Variants in TMEM255B observed in about 807,000 individuals in gnomAD.
TMEM255B encodes transmembrane protein 255B.
Under a neutral mutation model 34.5 loss-of-function variants are expected in TMEM255B, and 35 were observed. That is an observed-to-expected ratio of 1.01 (90% CI 0.77 to 1.34). TMEM255B has a LOEUF of 1.34. TMEM255B is among the 40% of genes most tolerant of loss of function. The pLI, the probability that TMEM255B is intolerant of heterozygous loss-of-function variation, is 0.00. For missense variants in TMEM255B, 432 were observed against 433.2 expected (o/e 1.00, Z 0.02); for synonymous variants, 206 against 201.2 (o/e 1.02, Z -0.20).
chr13:113,812,129 A>G lies in TMEM255B; in HGVS notation c.*226A>G. ...TGACACCTTGGCTTGGGCTCTGCTC[A>G]CATCAAATGGCGCTGAAAGTTCCCA... On this transcript the variant is annotated 3_prime_UTR_variant, in exon 9 of 9. Transcript: ENST00000375353. The G allele has an allele frequency of 1.7e-6, 1 of 575,380 alleles. No individual in the cohort carries two copies. The allele number at this position is 575,380 out of a possible 1,614,324, so 35.6% of individuals were successfully genotyped here.
At chr13:113,766,034 G>A in intron 1 of TMEM255B, 81 bp from the exon 2 acceptor site, 1 of 1,577,302 alleles carries the variant, frequency 6.3e-7, no homozygotes, top group East Asian at 2.2e-5. Flanking sequence ...CTGGGTAACG[G>A]AGCACGGCCC....
At chr13:113,800,009 G>A in intron 5 of TMEM255B, 1 of 1,242,496 alleles carries the variant, frequency 8.0e-7, no homozygotes, top group South Asian at 1.4e-5. Flanking sequence ...GGCCCTCTCA[G>A]TGGCCAGCAC....
intron 8 of TMEM255B, among the ~76,000 whole-genome samples, chr13:113,805,945 C>T (rs1292353783): frequency 1.3e-5 from 2 of 152,178 alleles, no homozygotes; most frequent in African/African-American, 2.4e-5. Flanking sequence ...AGGCCCAGCC[C>T]GATGAAGCTG....
chr13:113,812,164 C>T lies in TMEM255B; in HGVS notation c.*261C>T. On this transcript the variant is annotated 3_prime_UTR_variant, in exon 9 of 9. Coordinates refer to ENST00000375353, the MANE Select transcript of TMEM255B (RefSeq NM_182614.4). ...GCGCTGAAAGTTCCCACCCGGCCTC[C>T]TCCTCTGAGAGCAATTGTTCTGGTG... The T allele has an allele frequency of 1.9e-6, 1 of 523,380 alleles. No homozygotes were observed. The allele number at this position is 523,380 out of a possible 1,614,324, so 32.4% of individuals were successfully genotyped here.
intron 1 of TMEM255B, among the ~76,000 whole-genome samples, chr13:113,765,095 C>T (rs1213997849): frequency 6.6e-6 from 1 of 152,124 alleles, no homozygotes; most frequent in Non-Finnish European, 1.5e-5. Flanking sequence ...GGATGAGATT[C>T]TTGGGACAAG....
At chr13:113,761,109 C>A in intron 1 of TMEM255B, 1 of 866,316 alleles carries the variant, frequency 1.2e-6, no homozygotes, top group Non-Finnish European at 1.4e-6. Flanking sequence ...TGAGTGATTA[C>A]AGTTTTACCT....
intron 3 of TMEM255B, among the ~76,000 whole-genome samples, chr13:113,775,715 G>A (rs778839564): frequency 1.5e-4 from 23 of 152,252 alleles, no homozygotes; most frequent in Non-Finnish European, 2.8e-4. Flanking sequence ...GGCACAGGCG[G>A]CCACACTCGC....
chr13:113,782,970 G>A (rs371750735), intron 3 of TMEM255B, among the ~76,000 whole-genome samples: 104 of 152,208 alleles, frequency 6.8e-4, no homozygotes, highest in Middle Eastern at 3.4e-3. Context: ...TTTGTTCCTC[G>A]TTTGTGTTGT....
chr13:113,792,789 C>T (rs1260267235), intron 3 of TMEM255B, among the ~76,000 whole-genome samples: 1 of 152,206 alleles, frequency 6.6e-6, no homozygotes, highest in African/African-American at 2.4e-5. Flanking sequence ...TGGTTCAGAC[C>T]CAGGCTAATG....
chr13:113,762,204 CT>C (rs1290641772), intron 1 of TMEM255B, among the ~76,000 whole-genome samples: 7 of 151,072 alleles, frequency 4.6e-5, no homozygotes, highest in African/African-American at 1.2e-4. Flanking sequence ...ATAATTATCT[CT>C]TATGCTAATT....
rs371484561 is a variant in TMEM255B at position 113,800,532 on chromosome 13, C to T, written c.424-295C>T. ...CTCCTGGGCTCTGTCCTTCTGCCCA[C>T]GCACCCTGATATTTCCCTCTGCTCC... On this transcript the variant is annotated intron_variant, in intron 5 of 8. Coordinates refer to ENST00000375353, the MANE Select transcript of TMEM255B (RefSeq NM_182614.4). Among the ~76,000 whole-genome samples the T allele has an allele frequency of 3.7e-3, 564 of 152,190 alleles. 2 individuals carry two copies. Among genetic ancestry groups the T allele is most frequent in the African/African-American group, 0.013 (534 of 41,504 alleles).
chr13:113,796,337 TACCACACAGAGTACACACCTCAC>T (rs1162582205), intron 4 of TMEM255B, among the ~76,000 whole-genome samples: 7 of 34,856 alleles, frequency 2.0e-4, no homozygotes, highest in African/African-American at 3.7e-4. Flanking sequence ...ACAGAGCACA[TACCACACAGAGTACACACCTCAC>T]ACCACACAGA....
chr13:113,795,049 G>A, intron 3 of TMEM255B, 99 bp from the exon 4 acceptor site: 5 of 1,111,490 alleles, frequency 4.5e-6, no homozygotes, highest in Non-Finnish European at 6.7e-6. Flanking sequence ...GCAGTTCTGT[G>A]AAAGAAGCCC....
chr13:113,778,975 C>A (rs1290320362), intron 3 of TMEM255B, among the ~76,000 whole-genome samples: 1 of 152,162 alleles, frequency 6.6e-6, no homozygotes, highest in Non-Finnish European at 1.5e-5. Context: ...AGAGGGGCTT[C>A]GGGCCGATTT....
chr13:113,778,072 C>T (rs952487816), intron 3 of TMEM255B, among the ~76,000 whole-genome samples: 1 of 152,206 alleles, frequency 6.6e-6, no homozygotes, highest in Non-Finnish European at 1.5e-5. Context: ...CTGAGCTTGT[C>T]AGGAGACGTG....
chr13:113,812,157 C>T lies in TMEM255B; in HGVS notation c.*254C>T, dbSNP rs113125328. On this transcript the variant is annotated 3_prime_UTR_variant, in exon 9 of 9. Coordinates refer to ENST00000375353, the MANE Select transcript of TMEM255B (RefSeq NM_182614.4). ...TCAAATGGCGCTGAAAGTTCCCACC[C>T]GGCCTCCTCCTCTGAGAGCAATTGT... The T allele has an allele frequency of 6.5e-5, 34 of 523,572 alleles. No individual in the cohort carries two copies. Among genetic ancestry groups the T allele is most frequent in the Admixed American group, 2.3e-4 (6 of 26,654 alleles). The allele number at this position is 523,572 out of a possible 1,614,324, so 32.4% of individuals were successfully genotyped here.
rs1001200652 is a variant in TMEM255B, at chr13:113,815,700, C to A, written c.*3797C>A. 6.6e-6 allele frequency: 1 copy of A among 152,646 alleles called. No homozygotes were observed. The highest frequency in any genetic ancestry group is 1.5e-5 in the Non-Finnish European group (1 of 68,364). The allele number at this position is 152,646 out of a possible 1,614,324, so 9.5% of individuals were successfully genotyped here. A position where few individuals can be genotyped will look rare whatever the true frequency, so the allele number is the denominator to read the frequency against. On this transcript the variant is annotated 3_prime_UTR_variant, in exon 9 of 9. Coordinates refer to ENST00000375353, the MANE Select transcript of TMEM255B (RefSeq NM_182614.4). ...CCCAACCATGTGCAATTGTAAGTCC[C>A]GTTAAACCTCTTTTTTTCCCAGTCT... is the stretch of plus-strand genomic sequence containing the variant.
chr13:113,768,112 A>G, intron 2 of TMEM255B: 1 of 439,236 alleles, frequency 2.3e-6, no homozygotes, highest in Non-Finnish European at 4.9e-6. Flanking sequence ...CGGCCCCAGC[A>G]ACTCCAAGGC....
intron 3 of TMEM255B, among the ~76,000 whole-genome samples, chr13:113,779,558 A>G (rs987907409): frequency 6.9e-5 from 10 of 144,714 alleles, no homozygotes; most frequent in African/African-American, 2.6e-4. Context: ...TTTTGGGGCC[A>G]TAGAGGGAGC....
Sources: gnomAD v4.1 joint callset for allele counts (sites outside exome capture counted in the v4.1 genomes callset) on GRCh38, gnomAD v4.1.1 for gene constraint, MANE v1.5 for transcripts, NCBI Gene and HGNC (gene_info 2026-07-23, HGNC 2026-07-21) for gene names.